The following AKT1 variants were observed in gnomAD, a reference collection of about 807,000 sequenced individuals.
AKT1 encodes RAC-alpha serine/threonine-protein kinase.
A neutral mutation model predicts 63.1 loss-of-function variants in AKT1; 21 were observed. The ratio of observed to expected loss-of-function variants is 0.33; its 90% CI spans 0.24 to 0.48. The LOEUF (loss-of-function observed/expected upper bound fraction) is 0.48, where lower values mean the gene tolerates loss of function less well. AKT1 is among the 20% of genes least tolerant of loss of function. The pLI is 0.99. For missense variants in AKT1, 382 were observed against 666.0 expected, an observed-to-expected ratio of 0.57 and a Z score of 4.69; for synonymous variants, 257 against 253.1, an observed-to-expected ratio of 1.02 and a Z score of -0.15.
At chr14:104,782,563 T>TC (rs1555384654) in intron 3 of AKT1, among the ~76,000 whole-genome samples, 2 of 151,892 alleles carry the variant, frequency 1.3e-5, no homozygotes, top group African/African-American at 4.8e-5. Context: ...TTACCAGGCG[T>TC]GGGGGGTGGG....
In AKT1 at chr14:104,769,612, G is replaced by A. The variant is rs1418973363; in HGVS notation, c.*729C>T. On this transcript the variant is annotated 3_prime_UTR_variant, in exon 15 of 15. Transcript: ENST00000649815. ...CATCTGAGGGGGAGGCTCCCGGTGG[G>A]ACAGTCACCAAGAACTGTGACACAG... The A allele has an allele frequency of 1.9e-6, 1 of 527,754 alleles. No individual in the cohort carries two copies. Among genetic ancestry groups the A allele is most frequent in the South Asian group, 1.6e-5 (1 of 63,964 alleles). 32.7% of individuals were successfully genotyped at this position (527,754 alleles called of 1,614,324 possible). A position where few individuals can be genotyped will look rare whatever the true frequency, so the allele number is the denominator to read the frequency against.
At chr14:104,775,310 A>G in intron 6 of AKT1, 103 bp from the exon 7 acceptor site, 2 of 1,560,850 alleles carry the variant, frequency 1.3e-6, no homozygotes, top group Non-Finnish European at 1.7e-6. Context: ...AGGCAGAGCC[A>G]GGAGAGGCGT....
intron 3 of AKT1, among the ~76,000 whole-genome samples, chr14:104,784,649 TC>T (rs1893241280): frequency 6.6e-6 from 1 of 151,534 alleles, no homozygotes. Flanking sequence ...CTGCCTGGCC[TC>T]CCCCAACCCA....
chr14:104,780,719 C>A (rs1013185911), intron 3 of AKT1, among the ~76,000 whole-genome samples: 1 of 152,156 alleles, frequency 6.6e-6, no homozygotes, highest in Admixed American at 6.5e-5. Context: ...GGCCGCCCCC[C>A]CCGCCCCGCC....
rs1435444006 is a variant in AKT1 at position 104,775,072 on chromosome 14, C to T, written c.567+4G>A. On this transcript the variant is annotated splice_donor_region_variant and intron_variant, in intron 7 of 14. Coordinates refer to ENST00000649815, the MANE Select transcript of AKT1 (RefSeq NM_001382430.1). ...TCCACCCTGCCCCACCGCCCCGGCCCCACCTTGGCCACGATGACTTCCTTC... is the reference window on the plus strand; with the variant it reads ...TCCACCCTGCCCCACCGCCCCGGCCTCACCTTGGCCACGATGACTTCCTTC... 7 of 1,613,892 alleles carry T rather than the reference C, an allele frequency of 4.3e-6. No individual in the cohort carries two copies. Among genetic ancestry groups the T allele is most frequent in the Non-Finnish European group, 5.1e-6 (6 of 1,180,004 alleles).
chr14:104,773,018 G>A lies in AKT1; in HGVS notation c.1032C>T (p.Cys344=), dbSNP rs56289559. ...GLGVVMYEMM[C]GRLPFYNQDH... ...CCTGGTTGTAGAAGGGCAGGCGACC[G>A]CACATCATCTCGTACATGACCACGC... Residue 344 remains cysteine, a synonymous_variant, in exon 12 of 15, where the codon TGC becomes TGT. Coordinates refer to ENST00000649815, the MANE Select transcript of AKT1 (RefSeq NM_001382430.1). 6.1e-4 allele frequency: 980 copies of A among 1,614,146 alleles called. 1 individual carries two copies. Among genetic ancestry groups the A allele is most frequent in the Non-Finnish European group, 6.5e-4 (769 of 1,180,030 alleles).
intron 6 of AKT1, 164 bp downstream of exon 6, chr14:104,775,488 G>A: frequency 2.7e-6 from 3 of 1,132,014 alleles, no homozygotes; most frequent in South Asian, 1.6e-5. Flanking sequence ...TGGGGAAGAG[G>A]ACCCACCTGG....
At chr14:104,778,281 C>G (rs1384302494) in intron 4 of AKT1, 1 of 152,376 alleles carries the variant, frequency 6.6e-6, no homozygotes, top group Non-Finnish European at 1.5e-5. Flanking sequence ...GGCACCCAGC[C>G]TCTCCCTGAT....
chr14:104,775,033 C>T (rs199796628), intron 7 of AKT1, 30 bp from the exon 8 acceptor site: 1 of 1,613,108 alleles, frequency 6.2e-7, no homozygotes, highest in East Asian at 2.2e-5. Context: ...GAGCTGCCAC[C>T]CCGCACCCTC....
intron 5 of AKT1, chr14:104,776,058 CTCCGCCCCCCAGCA>C (rs1892688342): frequency 4.9e-6 from 2 of 405,122 alleles, no homozygotes; most frequent in African/African-American, 4.3e-5. Context: ...CCCAGCAGGA[CTCCGCCCCCCAGCA>C]GGACTCCGCC....
chr14:104,772,035 C>T, intron 13 of AKT1: 3 of 483,104 alleles, frequency 6.2e-6, no homozygotes, highest in Non-Finnish European at 1.1e-5. Flanking sequence ...CCAGCCTTCA[C>T]TGCACAGCGT....
intron 3 of AKT1, among the ~76,000 whole-genome samples, chr14:104,785,089 C>G (rs61759787): frequency 6.6e-6 from 1 of 152,202 alleles, no homozygotes; most frequent in Non-Finnish European, 1.5e-5. Flanking sequence ...CAGCGGCCAC[C>G]GTGGTCCCCA....
chr14:104,770,287 C>T lies in AKT1; in HGVS notation c.*54G>A, dbSNP rs1029593907. 4.5e-6 allele frequency: 7 copies of T among 1,542,970 alleles called. 1 individual carries two copies. The highest frequency in any genetic ancestry group is 3.5e-5 in the South Asian group (3 of 85,928). ...AAACCATTAAATACAGATCATGGCA[C>T]GAGGCCGCCTCTCCATCCCTCCAAG... is the stretch of plus-strand genomic sequence containing the variant. On this transcript the variant is annotated 3_prime_UTR_variant, in exon 15 of 15. Transcript: ENST00000649815.
intron 3 of AKT1, among the ~76,000 whole-genome samples, chr14:104,788,782 C>T (rs755545772): frequency 1.3e-5 from 2 of 152,186 alleles, no homozygotes; most frequent in Non-Finnish European, 2.9e-5. Flanking sequence ...ATACTCCCCA[C>T]CGGGACGCCT....
rs1392677082 is a variant in AKT1, at chr14:104,792,527, C to T, written c.46+71G>A. ...CCCCTCCCACCCAGCAGGGCACAGG[C>T]ACTCACAGACCCTGGGGCTACTACC... is the stretch of plus-strand genomic sequence containing the variant. On this transcript the variant is annotated intron_variant, in intron 3 of 14. Transcript: ENST00000649815. 2.6e-6 allele frequency: 4 copies of T among 1,564,840 alleles called. No homozygotes were observed. In the Admixed American group the frequency reaches 5.0e-5, roughly 20 times the overall value.
At position 104,770,776 on chromosome 14, in the gene AKT1, G is replaced by A; in HGVS notation, c.1332C>T (p.Ala444=). Reference sequence around the variant, plus strand: ...CAGGTGGTGTGATGGTGATCATCTGGGCCGTGAACTCCTCATCAAAATACC... The same window carrying A: ...CAGGTGGTGTGATGGTGATCATCTGAGCCGTGAACTCCTCATCAAAATACC... ...DTRYFDEEFT[A]QMITITPPDQ... Residue 444 remains alanine, a synonymous_variant, in exon 14 of 15, where the codon GCC becomes GCT. Transcript: ENST00000649815. 6.2e-7 allele frequency: 1 copy of A among 1,614,122 alleles called. No individual in the cohort carries two copies. Among genetic ancestry groups the A allele is most frequent in the Non-Finnish European group, 8.5e-7 (1 of 1,180,018 alleles).
chr14:104,771,977 G>A lies in AKT1; in HGVS notation c.1260+388C>T, dbSNP rs1289778879. 1.6e-5 allele frequency: 6 copies of A among 374,482 alleles called. No homozygotes were observed. The East Asian group carries it at 2.7e-4, about 17-fold the overall frequency. The allele number at this position is 374,482 out of a possible 1,614,324, so 23.2% of individuals were successfully genotyped here. ...CGGCAGAAGGGATTGAGGTCAAACAGGAGGAACTCGTGGAGGCCAAGGGGC... is the reference window on the plus strand; with the variant it reads ...CGGCAGAAGGGATTGAGGTCAAACAAGAGGAACTCGTGGAGGCCAAGGGGC... On this transcript the variant is annotated intron_variant, in intron 13 of 14. Transcript: ENST00000649815.
chr14:104,777,536 C>T (rs1445658546), intron 4 of AKT1: 2 of 1,012,412 alleles, frequency 2.0e-6, no homozygotes, highest in Non-Finnish European at 2.4e-6. Context: ...CACAGCCACA[C>T]CTGGGGCACA....
At position 104,772,333 on chromosome 14, in the gene AKT1, C is replaced by T. The variant is rs8192700; in HGVS notation, c.1260+32G>A. ...TGAGTGTGGATATGTGGGGAGCATG[C>T]GTGCGCGTGAATATGCGGGGAGCAG... On this transcript the variant is annotated intron_variant, in intron 13 of 14. Coordinates refer to ENST00000649815, the MANE Select transcript of AKT1 (RefSeq NM_001382430.1). 29,817 of 1,609,452 alleles carry T rather than the reference C, an allele frequency of 0.019. 2,275 individuals are homozygous for T. The African/African-American group carries it at 0.23, about 13-fold the overall frequency.
Sources: allele counts gnomAD v4.1 joint callset (sites outside exome capture counted in the v4.1 genomes callset), GRCh38; gene constraint gnomAD v4.1.1; transcripts MANE v1.5; gene names NCBI Gene and HGNC (gene_info 2026-07-23, HGNC 2026-07-21).